The following RIN3 variants were observed in gnomAD, a reference collection of about 807,000 sequenced individuals.
The protein encoded by RIN3 is Ras and Rab interactor 3.
RIN3 carries 54 observed loss-of-function variants against 76.3 expected under a neutral mutation model. The ratio of observed to expected loss-of-function variants is 0.71; its 90% CI spans 0.57 to 0.89. The LOEUF (loss-of-function observed/expected upper bound fraction) is 0.89. Among genes scored for constraint, RIN3 ranks in the 40% least tolerant of loss-of-function variants. The probability of loss-of-function intolerance (pLI) is 0.00; values close to 1 mark genes in which losing one functional copy is unlikely to be tolerated. For missense variants in RIN3, 1,256 were observed against 1,322.1 expected (o/e 0.95, Z 0.78); for synonymous variants, 576 against 564.0 (o/e 1.02, Z -0.30).
chr14:92,676,606 G>A lies in RIN3; in HGVS notation c.2467G>A (p.Gly823Ser). Residue 823 changes from glycine to serine, a missense_variant and splice_region_variant, in exon 8 of 10, where the codon GGT becomes AGT. By Grantham distance (56) the Gly-to-Ser change is moderately conservative (BLOSUM62 0). Around this residue, in one of 3 missense-constraint regions of RIN3, gnomAD observed 428 missense variants for 521.2 expected, o/e 0.82. Transcript: ENST00000216487. ...LMDPALQLGE[G>S]SYYLTTTYGA... ...GGACCCCGCCCTGCAGCTGGGGGAGGGTGAGTCACCACCCCCTGCCCATCA... is the reference window on the plus strand; with the variant it reads ...GGACCCCGCCCTGCAGCTGGGGGAGAGTGAGTCACCACCCCCTGCCCATCA... 1.9e-6 allele frequency: 3 copies of A among 1,612,814 alleles called. No individual in the cohort carries two copies. Among genetic ancestry groups the A allele is most frequent in the Non-Finnish European group, 2.5e-6 (3 of 1,179,440 alleles).
At chr14:92,555,721 G>A (rs1441716131) in intron 1 of RIN3, 30 bp from the exon 2 acceptor site, 1 of 1,610,922 alleles carries the variant, frequency 6.2e-7, no homozygotes, top group African/African-American at 1.3e-5. Flanking sequence ...CTGGCTGCAG[G>A]ATAGCTGATC....
chr14:92,559,813 G>T (rs549114823), intron 2 of RIN3, among the ~76,000 whole-genome samples: 4 of 152,320 alleles, frequency 2.6e-5, no homozygotes, highest in South Asian at 2.1e-4. Flanking sequence ...TGTGAGCCTT[G>T]CTGGGGCCCT....
intron 3 of RIN3, among the ~76,000 whole-genome samples, chr14:92,613,509 GA>G (rs1419968745): frequency 6.6e-6 from 1 of 152,152 alleles, no homozygotes; most frequent in African/African-American, 2.4e-5. Context: ...TTGATATGCA[GA>G]AAGAAGGCAA....
chr14:92,647,563 A>G (rs1301868359), intron 5 of RIN3, among the ~76,000 whole-genome samples: 1 of 152,086 alleles, frequency 6.6e-6, no homozygotes, highest in African/African-American at 2.4e-5. Context: ...GATGATGAGC[A>G]TTTTCCTAGT....
intron 7 of RIN3, among the ~76,000 whole-genome samples, chr14:92,666,977 C>T (rs1345388886): frequency 6.6e-6 from 1 of 152,032 alleles, no homozygotes; most frequent in African/African-American, 2.4e-5. Flanking sequence ...GGTGGTGGGA[C>T]GTGGGGGCCA....
At chr14:92,647,660 C>A (rs781442537) in intron 5 of RIN3, among the ~76,000 whole-genome samples, 6 of 152,262 alleles carry the variant, frequency 3.9e-5, no homozygotes, top group Non-Finnish European at 8.8e-5. Flanking sequence ...TATTCACTGG[C>A]CTTGTTGGAT....
At position 92,651,695 on chromosome 14, in the gene RIN3, G is replaced by A. The variant is rs762146737; in HGVS notation, c.646G>A (p.Asp216Asn). ...CTCCAGCCTCAGGCCCACAGCCCAT[G>A]ACGCAAACTGTGCCTGTGAAATCGA... is the stretch of plus-strand genomic sequence containing the variant. ...LVSSLRPTAHDANCACEIELS... is the reference protein window; with the variant it reads ...LVSSLRPTAHNANCACEIELS... Residue 216 changes from aspartate (D) to asparagine (N), a missense_variant, in exon 6 of 10, where the codon GAC becomes AAC. Coordinates refer to ENST00000216487, the MANE Select transcript of RIN3 (RefSeq NM_024832.5). 5 of 1,614,044 alleles carry A rather than the reference G, an allele frequency of 3.1e-6. No individual in the cohort carries two copies. The highest frequency in any genetic ancestry group is 1.1e-5 in the South Asian group (1 of 91,078).
At chr14:92,557,341 C>T (rs1197878062) in intron 2 of RIN3, among the ~76,000 whole-genome samples, 2 of 152,218 alleles carry the variant, frequency 1.3e-5, no homozygotes, top group Non-Finnish European at 2.9e-5. Context: ...AATCTGGACC[C>T]AGGCAGTCTG....
In RIN3 at chr14:92,631,374, TG is replaced by T. The variant is rs1220695481; in HGVS notation, c.441-9863del. Among the ~76,000 whole-genome samples the T allele has an allele frequency of 2.0e-5, 3 of 152,232 alleles. No homozygotes were observed. In the East Asian group the frequency reaches 5.8e-4, roughly 29 times the overall value. On this transcript the variant is annotated intron_variant, in intron 4 of 9. Transcript: ENST00000216487. ...CACTCAGGAAGCACATTCTGTGCTC[TG>T]TCTGCAGCCTCTGCCCCCAGAAATA...
At chr14:92,625,038 C>A (rs902597399) in intron 4 of RIN3, among the ~76,000 whole-genome samples, 2 of 152,148 alleles carry the variant, frequency 1.3e-5, no homozygotes, top group African/African-American at 4.8e-5. Context: ...GCAGCGTTTG[C>A]GCTAAGAGAC....
intron 2 of RIN3, among the ~76,000 whole-genome samples, chr14:92,574,881 A>C (rs1898174035): frequency 6.6e-6 from 1 of 152,062 alleles, no homozygotes; most frequent in African/African-American, 2.4e-5. Context: ...GTGGAGGCAA[A>C]ATTGAGCACT....
intron 7 of RIN3, among the ~76,000 whole-genome samples, chr14:92,670,925 A>T (rs1312302280): frequency 2.6e-5 from 4 of 152,202 alleles, no homozygotes; most frequent in Admixed American, 2.0e-4. Flanking sequence ...TTTTTCCTTC[A>T]GAGAGCCAGT....
chr14:92,561,104 CATATTTATAT>C (rs1371845851), intron 2 of RIN3, among the ~76,000 whole-genome samples: 81 of 114,548 alleles, frequency 7.1e-4, no homozygotes, highest in African/African-American at 2.4e-3. Context: ...ATATATATGC[CATATTTATAT>C]ATATTTATAT....
chr14:92,584,778 T>C (rs749744889), intron 3 of RIN3, among the ~76,000 whole-genome samples: 19 of 152,140 alleles, frequency 1.2e-4, no homozygotes, highest in East Asian at 1.9e-4. Flanking sequence ...TACTTTTTCA[T>C]TGATGGGCTT....
rs766595882 is a variant in RIN3, at chr14:92,688,232, C to G, written c.2938C>G (p.Arg980Gly). The G allele has an allele frequency of 3.4e-5, 54 of 1,593,642 alleles. No homozygotes were observed. Among genetic ancestry groups the G allele is most frequent in the Non-Finnish European group, 4.3e-5 (50 of 1,171,824 alleles). Residue 980 changes from arginine to glycine, a missense_variant, in exon 10 of 10, where the codon CGG becomes GGG. Arg to Gly is a moderately radical substitution (Grantham distance 125). Transcript: ENST00000216487. ...CGGGAGCCCGCCCTGCCTGGTGGTG[C>G]GGGAGCCCAACTTCCTGTGAGGCCC... Reference protein sequence around the residue: ...GGGSPPCLVVREPNFL With the variant: ...GGGSPPCLVVGEPNFL
chr14:92,659,164 C>G lies in RIN3; in HGVS notation c.2030C>G (p.Ala677Gly). 6.2e-7 allele frequency: 1 copy of G among 1,613,850 alleles called. No individual in the cohort carries two copies. The highest frequency in any genetic ancestry group is 8.5e-7 in the Non-Finnish European group (1 of 1,179,886). Residue 677 changes from alanine to glycine, a missense_variant, in exon 7 of 10, where the codon GCA becomes GGA. Ala to Gly is a moderately conservative substitution (Grantham distance 60). Transcript: ENST00000216487. ...TCGCTCTCTTGTTTACCTGCAGAAG[C>G]AATTGTAGAGTCTGCCTTGTACAAA... Reference protein sequence around the residue: ...PALHSEEELEAIVESALYKCV... With the variant: ...PALHSEEELEGIVESALYKCV...
intron 3 of RIN3, among the ~76,000 whole-genome samples, chr14:92,588,963 A>G (rs1406614587): frequency 6.6e-6 from 1 of 152,206 alleles, no homozygotes; most frequent in African/African-American, 2.4e-5. Flanking sequence ...TGTCCTGGCC[A>G]TCCTGAAATA....
intron 7 of RIN3, among the ~76,000 whole-genome samples, chr14:92,670,162 C>T (rs1888240863): frequency 6.6e-6 from 1 of 152,036 alleles, no homozygotes; most frequent in Non-Finnish European, 1.5e-5. Context: ...CAGCTGAGCA[C>T]CTCTTCAGCT....
At chr14:92,592,004 ATTAC>A (rs1171496944) in intron 3 of RIN3, among the ~76,000 whole-genome samples, 1 of 152,216 alleles carries the variant, frequency 6.6e-6, no homozygotes, top group African/African-American at 2.4e-5. Flanking sequence ...AGTATATTCT[ATTAC>A]TTATGCTTAT....
Sources: gnomAD v4.1 joint callset for allele counts (sites outside exome capture counted in the v4.1 genomes callset) on GRCh38, gnomAD v4.1.1 for gene constraint, gnomAD v4.1.1 regional missense constraint, MANE v1.5 for transcripts, NCBI Gene and HGNC (gene_info 2026-07-23, HGNC 2026-07-21) for gene names.